ITSN2: variants seen among roughly 807,000 people sequenced by gnomAD.
ITSN2 encodes the protein intersectin-2.
A neutral mutation model predicts 243.7 loss-of-function variants in ITSN2; 156 were observed. The ratio of observed to expected loss-of-function variants is 0.64; its 90% CI spans 0.56 to 0.73. The LOEUF (loss-of-function observed/expected upper bound fraction) is 0.73. Among genes scored for constraint, ITSN2 ranks in the 30% least tolerant of loss-of-function variants. The pLI is 0.00. For missense variants in ITSN2, 1,801 were observed against 1,996.1 expected (o/e 0.90, Z 1.86); for synonymous variants, 703 against 699.9 (o/e 1.00, Z -0.07).
chr2:24,221,862 G>A (rs549624478), intron 29 of ITSN2, among the ~76,000 whole-genome samples: 2 of 152,210 alleles, frequency 1.3e-5, no homozygotes, highest in Non-Finnish European at 2.9e-5. Flanking sequence ...ACTATGAAGT[G>A]ACATAATTCC....
At chr2:24,230,616 A>G (rs1671486845) in intron 29 of ITSN2, among the ~76,000 whole-genome samples, 1 of 152,018 alleles carries the variant, frequency 6.6e-6, no homozygotes, top group African/African-American at 2.4e-5. Context: ...AAAAATATAA[A>G]AATTAGCTGG....
At chr2:24,303,962 T>C in intron 8 of ITSN2, 100 bp from the exon 9 acceptor site, 1 of 838,694 alleles carries the variant, frequency 1.2e-6, no homozygotes, top group African/African-American at 1.7e-5. Context: ...TACCAGGGTA[T>C]CCTGGGAACT....
intron 16 of ITSN2, among the ~76,000 whole-genome samples, chr2:24,285,998 G>A (rs1439578601): frequency 6.6e-6 from 1 of 151,746 alleles, no homozygotes; most frequent in Non-Finnish European, 1.5e-5. Flanking sequence ...ATCAAAAATT[G>A]GAAACTGTGA....
At chr2:24,301,526 CTTTT>C (rs999219345) in intron 10 of ITSN2, among the ~76,000 whole-genome samples, 6 of 137,204 alleles carry the variant, frequency 4.4e-5, no homozygotes, top group Non-Finnish European at 6.4e-5. Flanking sequence ...ACATCCACTT[CTTTT>C]TTTTTTTTTT....
intron 29 of ITSN2, among the ~76,000 whole-genome samples, chr2:24,234,354 T>C (rs1671914213): frequency 6.7e-6 from 1 of 150,314 alleles, no homozygotes; most frequent in Admixed American, 6.6e-5. Context: ...CAACTCAAAA[T>C]GCATCACAAA....
At chr2:24,337,343 T>TAC (rs1686551465) in intron 1 of ITSN2, among the ~76,000 whole-genome samples, 1 of 119,512 alleles carries the variant, frequency 8.4e-6, no homozygotes, top group African/African-American at 3.2e-5. Flanking sequence ...TATATATATA[T>TAC]ATATATATAT....
intron 5 of ITSN2, chr2:24,311,794 T>G (rs1224427997): frequency 6.0e-6 from 1 of 167,700 alleles, no homozygotes; most frequent in Non-Finnish European, 1.5e-5. Flanking sequence ...TCAACTTACA[T>G]AAAATTTTAA....
rs2303296 is a variant in ITSN2 at position 24,209,970 on chromosome 2, A to G, written c.4321T>C (p.Leu1441=). 0.24 allele frequency: 387,596 copies of G among 1,613,620 alleles called. 50,087 individuals carry two copies. The highest frequency in any genetic ancestry group is 0.27 in the Non-Finnish European group (318,627 of 1,179,584). The change falls in exon 35 of 40, where the codon TTA becomes CTA. Residue 1441 remains leucine (L), a synonymous_variant. Transcript: ENST00000355123. ...GPRKLLHSGK[L]YKTKSNKELH... ...TCCTTGTTGCTCTTGGTCTTGTATA[A>G]TTTCCCACTGTGTAAGAGCTTCCGG...
chr2:24,302,141 A>G, intron 9 of ITSN2, 39 bp from the exon 10 acceptor site: 1 of 1,466,132 alleles, frequency 6.8e-7, no homozygotes, highest in Non-Finnish European at 9.3e-7. Context: ...AATAAAGTCT[A>G]TTTGGAGTAA....
intron 1 of ITSN2, among the ~76,000 whole-genome samples, chr2:24,340,943 C>A (rs1188938821): frequency 6.6e-6 from 1 of 152,092 alleles, no homozygotes; most frequent in Non-Finnish European, 1.5e-5. Context: ...TAGGAACAAA[C>A]TGGATTTTGA....
intron 37 of ITSN2, among the ~76,000 whole-genome samples, chr2:24,207,489 C>G (rs567685960): frequency 6.6e-6 from 1 of 152,020 alleles, no homozygotes; most frequent in South Asian, 2.1e-4. Flanking sequence ...TTCAGAGGCG[C>G]GGGCTTGGGA....
intron 17 of ITSN2, among the ~76,000 whole-genome samples, chr2:24,278,904 G>A (rs780935589): frequency 2.6e-5 from 4 of 151,938 alleles, no homozygotes; most frequent in Non-Finnish European, 5.9e-5. Context: ...CACCTGCCTC[G>A]GCCTCCCAAA....
chr2:24,234,743 T>A (rs772073495), intron 29 of ITSN2, among the ~76,000 whole-genome samples: 2 of 152,184 alleles, frequency 1.3e-5, no homozygotes, highest in Non-Finnish European at 2.9e-5. Flanking sequence ...TATAAAAAGA[T>A]GCTTTGCATC....
chr2:24,260,462 GAAA>G (rs1164336060), intron 22 of ITSN2, among the ~76,000 whole-genome samples: 1 of 86,640 alleles, frequency 1.2e-5, no homozygotes, highest in Non-Finnish European at 2.5e-5. Context: ...ATAACTTTAA[GAAA>G]AAAAAAAAAA....
At position 24,253,289 on chromosome 2, in the gene ITSN2, G is replaced by A. The variant is rs984978694; in HGVS notation, c.2954-778C>T. Among the ~76,000 whole-genome samples the A allele has an allele frequency of 1.8e-4, 28 of 151,748 alleles. 1 individual carries two copies. The highest frequency in any genetic ancestry group is 3.7e-4 in the Non-Finnish European group (25 of 67,982). On this transcript the variant is annotated intron_variant, in intron 24 of 39. Coordinates refer to ENST00000355123, the MANE Select transcript of ITSN2 (RefSeq NM_006277.3). ...ACCACCTACAACCTATTTACTATTC[G>A]CATTCCCAGTATTACTCAATTAATT...
intron 32 of ITSN2, 151 bp downstream of exon 32, chr2:24,215,898 A>G (rs1669912326): frequency 1.9e-6 from 1 of 525,550 alleles, no homozygotes; most frequent in African/African-American, 2.0e-5. Flanking sequence ...GCAACACAAA[A>G]CAATCGGAAA....
At chr2:24,302,705 C>A (rs1482027999) in intron 9 of ITSN2, among the ~76,000 whole-genome samples, 1 of 152,146 alleles carries the variant, frequency 6.6e-6, no homozygotes, top group African/African-American at 2.4e-5. Flanking sequence ...GAAGTAACTA[C>A]CCCTTCTGAG....
At chr2:24,273,809 G>C (rs184811530) in intron 18 of ITSN2, 3 of 152,342 alleles carry the variant, frequency 2.0e-5, no homozygotes, top group Admixed American at 2.0e-4. Flanking sequence ...GGATGCCTCA[G>C]AAGCTGGGCA....
intron 37 of ITSN2, chr2:24,206,361 G>C (rs570077932): frequency 2.8e-6 from 1 of 351,708 alleles, no homozygotes; most frequent in East Asian, 1.1e-4. Flanking sequence ...GCTGCATGGG[G>C]GGGCCCGGCG....
Sources: gnomAD v4.1 joint callset for allele counts (sites outside exome capture counted in the v4.1 genomes callset) on GRCh38, gnomAD v4.1.1 for gene constraint, MANE v1.5 for transcripts, NCBI Gene and HGNC (gene_info 2026-07-23, HGNC 2026-07-21) for gene names.